The following MTUS1 variants were observed in gnomAD, a reference collection of about 807,000 sequenced individuals.
MTUS1 encodes the protein microtubule-associated tumor suppressor 1.
In MTUS1, 109 loss-of-function variants were observed where a neutral mutation model predicts 120.8. The ratio of observed to expected loss-of-function variants is 0.90; its 90% CI spans 0.77 to 1.06. MTUS1 has a LOEUF of 1.06. Among genes scored for constraint, MTUS1 ranks in the 50% least tolerant of loss-of-function variants. The pLI, the probability that MTUS1 is intolerant of heterozygous loss-of-function variation, is 0.00. For synonymous variants in MTUS1, 737 were observed against 550.5 expected (o/e 1.34, Z -4.74); for missense variants, 2,210 against 1,486.3 (o/e 1.49, Z -8.01).
At chr8:17,673,160 C>A (rs1812371968) in intron 8 of MTUS1, among the ~76,000 whole-genome samples, 1 of 152,130 alleles carries the variant, frequency 6.6e-6, no homozygotes, top group African/African-American at 2.4e-5. Flanking sequence ...TTGGGTTGGT[C>A]ATTTAGGTAA....
intron 8 of MTUS1, among the ~76,000 whole-genome samples, chr8:17,666,676 A>G (rs1585528006): frequency 1.3e-5 from 2 of 152,126 alleles, no homozygotes; most frequent in Admixed American, 6.5e-5. Flanking sequence ...GATATTGCTA[A>G]TAAGGAAGAA....
intron 6 of MTUS1, chr8:17,697,128 T>A: frequency 8.6e-7 from 1 of 1,165,532 alleles, no homozygotes; most frequent in Non-Finnish European, 1.2e-6. Flanking sequence ...AAATTAAGCC[T>A]CATCTCTCAT....
intron 2 of MTUS1, among the ~76,000 whole-genome samples, chr8:17,745,829 G>A (rs2047699845): frequency 6.6e-6 from 1 of 152,162 alleles, no homozygotes; most frequent in Admixed American, 6.5e-5. Context: ...GATATAATTT[G>A]GATCTGTGTC....
chr8:17,764,698 C>T (rs1011098290), intron 1 of MTUS1, among the ~76,000 whole-genome samples: 2 of 152,180 alleles, frequency 1.3e-5, no homozygotes, highest in Admixed American at 6.5e-5. Context: ...ACGCCACAGA[C>T]GATATGGAAA....
At chr8:17,782,112 T>A (rs898208177) in intron 1 of MTUS1, among the ~76,000 whole-genome samples, 1 of 152,216 alleles carries the variant, frequency 6.6e-6, no homozygotes, top group African/African-American at 2.4e-5. Flanking sequence ...ATACTACTCA[T>A]ACATGGATTT....
At chr8:17,743,515 T>C in intron 3 of MTUS1, 89 bp downstream of exon 3, 1 of 1,265,010 alleles carries the variant, frequency 7.9e-7, no homozygotes, top group Admixed American at 2.2e-5. Context: ...GCTAACTGCT[T>C]TAGTGACAGA....
chr8:17,650,822 T>C (rs1806823349), intron 12 of MTUS1, among the ~76,000 whole-genome samples: 1 of 152,212 alleles, frequency 6.6e-6, no homozygotes, highest in Non-Finnish European at 1.5e-5. Flanking sequence ...TATTCGGAAA[T>C]TCAACTAAAC....
Position 17,684,533 on chromosome 8 carries a change from C to T in MTUS1, c.2633G>A (p.Ser878Asn), listed in dbSNP as rs564367574. The T allele has an allele frequency of 6.2e-7, 1 of 1,613,138 alleles. No individual in the cohort carries two copies. Among genetic ancestry groups the T allele is most frequent in the Admixed American group, 1.7e-5 (1 of 60,014 alleles). The change falls in exon 7 of 15, where the codon AGC becomes AAC. Residue 878 changes from serine to asparagine, a missense_variant. Transcript: ENST00000693296. ...TAAGCTTCGAGGATTCTTTTGCCTG[C>T]TCTTTTCAACTGCAAAACGAATTAA... The part of the protein sequence containing the change: ...LFTALNAVEK[S>N]RQKNPRSLCI...
At position 17,766,385 on chromosome 8, in the gene MTUS1, C is replaced by G. The variant is rs955137681; in HGVS notation, c.-154-10424G>C. Among the ~76,000 whole-genome samples the G allele has an allele frequency of 5.9e-5, 9 of 152,304 alleles. No individual in the cohort carries two copies. In the South Asian group the frequency reaches 1.0e-3, roughly 18 times the overall value. The stretch of plus-strand genomic sequence containing the variant: ...CCAAAGGCCACATACAAGTCTCCTT[C>G]CTCCATGAGATCTCCTCCTACTACT... On this transcript the variant is annotated intron_variant, in intron 1 of 14. Transcript: ENST00000693296.
intron 1 of MTUS1, among the ~76,000 whole-genome samples, chr8:17,759,706 T>C (rs999835121): frequency 6.7e-6 from 1 of 150,250 alleles, no homozygotes; most frequent in African/African-American, 2.4e-5. Flanking sequence ...ACTCATATAC[T>C]GTGGTCAGCA....
intron 3 of MTUS1, among the ~76,000 whole-genome samples, chr8:17,724,634 C>A (rs374369260): frequency 9.2e-5 from 14 of 152,172 alleles, no homozygotes; most frequent in African/African-American, 3.4e-4. Context: ...GGCTGCGTAT[C>A]CTCTGGCATC....
intron 1 of MTUS1, among the ~76,000 whole-genome samples, chr8:17,796,436 A>C (rs543903265): frequency 8.9e-6 from 1 of 111,792 alleles, no homozygotes; most frequent in South Asian, 3.0e-4. Context: ...CTATTTACTT[A>C]AGTGAAGCAC....
At position 17,755,283 on chromosome 8, in the gene MTUS1, A is replaced by G; in HGVS notation, c.525T>C (p.His175=). The G allele has an allele frequency of 1.2e-6, 2 of 1,614,216 alleles. No homozygotes were observed. The change falls in exon 2 of 15, where the codon CAT becomes CAC. Residue 175 remains histidine, a synonymous_variant. Transcript: ENST00000693296. ...VDKVNCTFIS[H]HAIGKSQSFH... ...AGGACTGACTCTTTCCGATGGCATG[A>G]TGTGATATAAAGGTGCAGTTAACTT...
At chr8:17,712,042 C>T (rs948773003) in intron 6 of MTUS1, among the ~76,000 whole-genome samples, 1 of 151,860 alleles carries the variant, frequency 6.6e-6, no homozygotes, top group Non-Finnish European at 1.5e-5. Flanking sequence ...CGCAGATCAC[C>T]GTAAAAGATA....
chr8:17,738,462 CA>C (rs2047082015), intron 3 of MTUS1, among the ~76,000 whole-genome samples: 1 of 152,156 alleles, frequency 6.6e-6, no homozygotes, highest in Non-Finnish European at 1.5e-5. Context: ...GTATTGCCTC[CA>C]AAAGAGAGTG....
chr8:17,684,173 G>A (rs1221546248), intron 7 of MTUS1, among the ~76,000 whole-genome samples, 155 bp downstream of exon 7: 2 of 152,162 alleles, frequency 1.3e-5, no homozygotes, highest in Admixed American at 6.5e-5. Context: ...ACCGACTCAA[G>A]TATCTGGTGA....
intron 4 of MTUS1, chr8:17,722,109 C>A: frequency 7.7e-7 from 1 of 1,293,716 alleles, no homozygotes. Context: ...GCAACAGGAA[C>A]ACATCGCCAC....
chr8:17,712,646 C>T (rs534270673), intron 6 of MTUS1, among the ~76,000 whole-genome samples: 2 of 152,142 alleles, frequency 1.3e-5, no homozygotes, highest in South Asian at 2.1e-4. Flanking sequence ...GCCTATCTGT[C>T]GGTCTGTCTG....
chr8:17,713,053 G>A (rs904716658), intron 6 of MTUS1, among the ~76,000 whole-genome samples, 161 bp downstream of exon 6: 6 of 152,012 alleles, frequency 3.9e-5, no homozygotes, highest in African/African-American at 7.3e-5. Flanking sequence ...CATGCTTACC[G>A]TATTTTAATG....
Sources: allele counts gnomAD v4.1 joint callset (sites outside exome capture counted in the v4.1 genomes callset), GRCh38; gene constraint gnomAD v4.1.1; transcripts MANE v1.5; gene names NCBI Gene and HGNC (gene_info 2026-07-23, HGNC 2026-07-21).